Variants in EPHA3 observed in about 807,000 individuals in gnomAD.
EPHA3 encodes the protein ephrin type-A receptor 3.
EPHA3 carries 42 observed loss-of-function variants against 107.1 expected under a neutral mutation model. The observed-to-expected ratio is 0.39, with a 90% CI of 0.31 to 0.51. EPHA3 has a LOEUF of 0.51. Ranked by LOEUF, EPHA3 falls within the 20% of genes least tolerant of loss-of-function variation. EPHA3 has a pLI of 0.78. For missense variants in EPHA3, 1,183 were observed against 1,211.2 expected, an observed-to-expected ratio of 0.98 and a Z score of 0.35; for synonymous variants, 461 against 424.8, an observed-to-expected ratio of 1.09 and a Z score of -1.05.
At chr3:89,426,105 C>T (rs950847037) in intron 11 of EPHA3, among the ~76,000 whole-genome samples, 2 of 151,642 alleles carry the variant, frequency 1.3e-5, no homozygotes, top group Non-Finnish European at 3.0e-5. Context: ...TATGTATACC[C>T]AGATGTGTTT....
intron 5 of EPHA3, among the ~76,000 whole-genome samples, chr3:89,368,745 A>T (rs2107467716): frequency 6.7e-6 from 1 of 150,348 alleles, no homozygotes; most frequent in South Asian, 2.1e-4. Flanking sequence ...GTGAGGGTAG[A>T]TCTTCTTTAC....
At chr3:89,142,831 C>T (rs992624946) in intron 2 of EPHA3, among the ~76,000 whole-genome samples, 27 of 151,316 alleles carry the variant, frequency 1.8e-4, no homozygotes, top group African/African-American at 6.5e-4. Context: ...TTTCAATAGC[C>T]TCACGCAGTA....
intron 3 of EPHA3, among the ~76,000 whole-genome samples, chr3:89,325,753 CACTGT>C: frequency 6.6e-6 from 1 of 152,076 alleles, no homozygotes; most frequent in Non-Finnish European, 1.5e-5. Flanking sequence ...AAAGGTTAGA[CACTGT>C]ACATACCATA....
At chr3:89,206,103 G>A (rs1358289746) in intron 2 of EPHA3, among the ~76,000 whole-genome samples, 1 of 152,058 alleles carries the variant, frequency 6.6e-6, no homozygotes, top group African/African-American at 2.4e-5. Context: ...GGTCTGAGAT[G>A]GCACATCACC....
At chr3:89,263,732 G>T (rs1160087039) in intron 3 of EPHA3, among the ~76,000 whole-genome samples, 1 of 152,036 alleles carries the variant, frequency 6.6e-6, no homozygotes, top group Non-Finnish European at 1.5e-5. Context: ...GGAGTGGGGT[G>T]GGCCATGGGT....
At chr3:89,165,470 AC>A (rs1271725962) in intron 2 of EPHA3, among the ~76,000 whole-genome samples, 13 of 152,204 alleles carry the variant, frequency 8.5e-5, no homozygotes, top group African/African-American at 3.1e-4. Context: ...CAATGCTATC[AC>A]CATAGAACAG....
chr3:89,351,995 A>T (rs1227625581), intron 5 of EPHA3, among the ~76,000 whole-genome samples: 2 of 151,052 alleles, frequency 1.3e-5, no homozygotes, highest in African/African-American at 2.4e-5. Flanking sequence ...GGTGCTGGAT[A>T]TGATGCAGGG....
chr3:89,409,219 C>T (rs938265943), intron 9 of EPHA3, among the ~76,000 whole-genome samples: 4 of 152,058 alleles, frequency 2.6e-5, no homozygotes, highest in Non-Finnish European at 5.9e-5. Context: ...AAATCAACAT[C>T]ACATCAGTCC....
intron 6 of EPHA3, 149 bp downstream of exon 6, chr3:89,396,110 T>G: frequency 9.1e-7 from 1 of 1,095,880 alleles, no homozygotes; most frequent in Admixed American, 2.6e-5. Flanking sequence ...GATTTATTGG[T>G]AGAGGAAGGT....
At chr3:89,304,102 C>T (rs888900228) in intron 3 of EPHA3, among the ~76,000 whole-genome samples, 8 of 152,092 alleles carry the variant, frequency 5.3e-5, no homozygotes, top group African/African-American at 1.7e-4. Context: ...GCCCCCACTT[C>T]GCTACTCACT....
At chr3:89,380,565 T>G (rs1708481675) in intron 5 of EPHA3, among the ~76,000 whole-genome samples, 1 of 152,104 alleles carries the variant, frequency 6.6e-6, no homozygotes, top group South Asian at 2.1e-4. Context: ...CTAAACAACA[T>G]TGTTTATTTT....
At chr3:89,373,688 A>T (rs1482324050) in intron 5 of EPHA3, among the ~76,000 whole-genome samples, 4 of 151,572 alleles carry the variant, frequency 2.6e-5, no homozygotes, top group Admixed American at 6.6e-5. Flanking sequence ...TCTGTCTCTG[A>T]CTCCTACTAG....
intron 3 of EPHA3, among the ~76,000 whole-genome samples, chr3:89,330,099 A>C (rs1707253203): frequency 6.6e-6 from 1 of 152,142 alleles, no homozygotes; most frequent in African/African-American, 2.4e-5. Flanking sequence ...TGATCCCCTA[A>C]GCACTTATTT....
chr3:89,472,135 G>A (rs576106826), intron 15 of EPHA3, among the ~76,000 whole-genome samples: 4 of 152,184 alleles, frequency 2.6e-5, no homozygotes, highest in Non-Finnish European at 5.9e-5. Flanking sequence ...TACTGTAACC[G>A]TATCCTAAAT....
At chr3:89,250,565 C>T (rs1705138776) in intron 3 of EPHA3, among the ~76,000 whole-genome samples, 1 of 152,054 alleles carries the variant, frequency 6.6e-6, no homozygotes, top group Non-Finnish European at 1.5e-5. Flanking sequence ...ATCCAGAATC[C>T]AATCTTGGTT....
At chr3:89,314,236 C>G (rs952463908) in intron 3 of EPHA3, among the ~76,000 whole-genome samples, 17 of 151,072 alleles carry the variant, frequency 1.1e-4, no homozygotes, top group African/African-American at 3.9e-4. Flanking sequence ...AGCACAAGGT[C>G]AAATTAATGT....
At chr3:89,250,031 T>C (rs144061083) in intron 3 of EPHA3, among the ~76,000 whole-genome samples, 1 of 152,300 alleles carries the variant, frequency 6.6e-6, no homozygotes, top group Non-Finnish European at 1.5e-5. Context: ...AACCAAAAAA[T>C]GTGGGGTCCT....
chr3:89,223,758 A>G (rs2107211667), intron 3 of EPHA3, among the ~76,000 whole-genome samples: 1 of 152,312 alleles, frequency 6.6e-6, no homozygotes, highest in African/African-American at 2.4e-5. Context: ...GAATAAATTT[A>G]GCTTCCTCAT....
At chr3:89,380,351 T>C (rs368745717) in intron 5 of EPHA3, among the ~76,000 whole-genome samples, 41 of 152,318 alleles carry the variant, frequency 2.7e-4, no homozygotes, top group African/African-American at 9.9e-4. Context: ...GTTGAATCCA[T>C]ACACATATAT....
Sources: gnomAD v4.1 joint callset for allele counts (sites outside exome capture counted in the v4.1 genomes callset) on GRCh38, gnomAD v4.1.1 for gene constraint, MANE v1.5 for transcripts, NCBI Gene and HGNC (gene_info 2026-07-23, HGNC 2026-07-21) for gene names.